Variants in FOXP1 observed in about 807,000 individuals in gnomAD.
FOXP1 encodes the protein forkhead box protein P1.
Under a neutral mutation model 98.2 loss-of-function variants are expected in FOXP1, and 15 were observed. That is an observed-to-expected ratio of 0.15 (90% CI 0.10 to 0.24). The LOEUF (loss-of-function observed/expected upper bound fraction) is 0.24. FOXP1 is among the 10% of genes least tolerant of loss of function. The probability of loss-of-function intolerance (pLI) is 1.00; values close to 1 mark genes in which losing one functional copy is unlikely to be tolerated. For missense variants in FOXP1, 633 were observed against 848.5 expected, an observed-to-expected ratio of 0.75 and a Z score of 3.15; for synonymous variants, 371 against 314.5, an observed-to-expected ratio of 1.18 and a Z score of -1.90.
intron 3 of FOXP1, among the ~76,000 whole-genome samples, chr3:71,464,579 T>C (rs562915146): frequency 3.3e-5 from 5 of 152,164 alleles, no homozygotes; most frequent in South Asian, 2.1e-4. Flanking sequence ...AGAAGCCAAA[T>C]AGCAAGATGC....
At chr3:71,146,837 T>A (rs2060331558) in intron 6 of FOXP1, among the ~76,000 whole-genome samples, 3 of 152,200 alleles carry the variant, frequency 2.0e-5, no homozygotes, top group Admixed American at 2.0e-4. Context: ...AAGGAAAGCC[T>A]GGAGACTCCT....
chr3:71,385,872 C>G (rs910148875), intron 3 of FOXP1, among the ~76,000 whole-genome samples: 2 of 152,142 alleles, frequency 1.3e-5, no homozygotes, highest in Non-Finnish European at 2.9e-5. Flanking sequence ...GGCTTCAGAT[C>G]CACATCTCCA....
At chr3:71,177,557 G>A (rs774786384) in intron 6 of FOXP1, among the ~76,000 whole-genome samples, 13 of 152,190 alleles carry the variant, frequency 8.5e-5, no homozygotes, top group Non-Finnish European at 1.8e-4. Context: ...AAGAGCTCAG[G>A]CTCTGGAGTC....
intron 3 of FOXP1, among the ~76,000 whole-genome samples, chr3:71,492,123 G>A (rs999159684): frequency 2.0e-5 from 3 of 152,016 alleles, no homozygotes; most frequent in African/African-American, 7.3e-5. Flanking sequence ...ACACTGATAG[G>A]ATAGGATCCT....
At chr3:71,495,115 T>C (rs1324661883) in intron 2 of FOXP1, among the ~76,000 whole-genome samples, 2 of 152,020 alleles carry the variant, frequency 1.3e-5, no homozygotes, top group Non-Finnish European at 1.5e-5. Context: ...GATACAGTGG[T>C]CCTCCTTTTG....
chr3:71,575,440 C>A (rs1476528956), intron 2 of FOXP1, among the ~76,000 whole-genome samples: 1 of 152,066 alleles, frequency 6.6e-6, no homozygotes, highest in Admixed American at 6.6e-5. Context: ...ATTTTAATAA[C>A]CTACACACAC....
intron 5 of FOXP1, among the ~76,000 whole-genome samples, chr3:71,238,823 C>A (rs531066252): frequency 6.6e-6 from 1 of 152,126 alleles, no homozygotes; most frequent in Non-Finnish European, 1.5e-5. Flanking sequence ...AAGGGAGGGA[C>A]CCGGGAAGAG....
chr3:71,268,985 A>C (rs377444123), intron 5 of FOXP1, among the ~76,000 whole-genome samples: 13 of 152,182 alleles, frequency 8.5e-5, no homozygotes, highest in East Asian at 3.8e-4. Flanking sequence ...AAGGAAGACA[A>C]AAATCTGGGA....
In FOXP1 at chr3:71,053,689, G is replaced by A; in HGVS notation, c.367C>T (p.Pro123Ser). The A allele has an allele frequency of 6.2e-7, 1 of 1,614,048 alleles. No homozygotes were observed. The highest frequency in any genetic ancestry group is 8.5e-7 in the Non-Finnish European group (1 of 1,179,954). ...QQILQQQVLS[P>S]QQLQVLLQQQ... Reference sequence around the variant, plus strand: ...TGGAGGAGAACCTGGAGCTGCTGAGGGCTCAGCACTTGTTGCTGGAGGATC... The same window carrying A: ...TGGAGGAGAACCTGGAGCTGCTGAGAGCTCAGCACTTGTTGCTGGAGGATC... The change falls in exon 8 of 21, where the codon CCT (proline) becomes TCT (serine). Residue 123 changes from proline to serine, a missense_variant. Coordinates refer to ENST00000649528, the MANE Select transcript of FOXP1 (RefSeq NM_001349338.3).
At chr3:71,405,643 T>C (rs2108239390) in intron 3 of FOXP1, among the ~76,000 whole-genome samples, 2 of 152,304 alleles carry the variant, frequency 1.3e-5, no homozygotes, top group East Asian at 3.9e-4. Flanking sequence ...GGGAAGGTTA[T>C]AAAAGGCCAA....
intron 2 of FOXP1, among the ~76,000 whole-genome samples, chr3:71,531,248 G>A (rs2043822964): frequency 6.6e-6 from 1 of 152,232 alleles, no homozygotes; most frequent in South Asian, 2.1e-4. Context: ...GGACCCTGAT[G>A]AGATGGGATT....
At chr3:71,495,305 T>C (rs994829158) in intron 2 of FOXP1, among the ~76,000 whole-genome samples, 3 of 152,224 alleles carry the variant, frequency 2.0e-5, no homozygotes, top group Non-Finnish European at 2.9e-5. Context: ...TCCAAGTTAG[T>C]CTCAATTATA....
At chr3:71,396,609 C>A (rs894595194) in intron 3 of FOXP1, among the ~76,000 whole-genome samples, 13 of 151,900 alleles carry the variant, frequency 8.6e-5, no homozygotes, top group African/African-American at 2.9e-4. Flanking sequence ...AAGCAACCTA[C>A]CTTCAAGTAA....
At chr3:71,383,350 C>G (rs831080) in intron 3 of FOXP1, among the ~76,000 whole-genome samples, 91,024 of 152,106 alleles carry the variant, frequency 0.6, 30,691 homozygotes, top group East Asian at 0.89. Flanking sequence ...AGGAAGACTG[C>G]ATAACCAATG....
At chr3:71,487,753 T>C (rs2106946410) in intron 3 of FOXP1, among the ~76,000 whole-genome samples, 1 of 152,364 alleles carries the variant, frequency 6.6e-6, no homozygotes, top group East Asian at 1.9e-4. Flanking sequence ...TAAAAGTTTA[T>C]GGTGAATTTG....
chr3:71,577,164 T>G lies in FOXP1; in HGVS notation c.-298+4385A>C, dbSNP rs75576237. ...ATGCCTTAGCACAAACTGACTGTAA[T>G]TAATAAGAATAATTTATTAAAGAAA... is the stretch of plus-strand genomic sequence containing the variant. On this transcript the variant is annotated intron_variant, in intron 2 of 20. Transcript: ENST00000649528. Among the ~76,000 whole-genome samples, 555 of 152,316 alleles carry G rather than the reference T, an allele frequency of 3.6e-3. 4 individuals are homozygous for G. Among genetic ancestry groups the G allele is most frequent in the Non-Finnish European group, 5.9e-3 (404 of 68,022 alleles).
chr3:71,545,023 A>C (rs2045244104), intron 2 of FOXP1, among the ~76,000 whole-genome samples: 1 of 152,252 alleles, frequency 6.6e-6, no homozygotes, highest in African/African-American at 2.4e-5. Flanking sequence ...GATATTTCCA[A>C]GTCACCACGC....
Position 70,958,386 on chromosome 3 carries a change from G to A in FOXP1, c.*861C>T, listed in dbSNP as rs542332238. The A allele has an allele frequency of 4.6e-5, 24 of 516,348 alleles. No homozygotes were observed. The highest frequency in any genetic ancestry group is 3.4e-4 in the South Asian group (21 of 61,848). The allele number at this position is 516,348 out of a possible 1,614,324, so 32.0% of individuals were successfully genotyped here. A position where few individuals can be genotyped will look rare whatever the true frequency, so the allele number is the denominator to read the frequency against. ...GTGAGAGGGCCTTCATGTGTAGAGT[G>A]CAGCATTTGGGACCTTTTTGAAAAA... is the stretch of plus-strand genomic sequence containing the variant. On this transcript the variant is annotated 3_prime_UTR_variant, in exon 21 of 21. Transcript: ENST00000649528.
chr3:71,485,728 C>G (rs2090596281), intron 3 of FOXP1, among the ~76,000 whole-genome samples: 1 of 150,452 alleles, frequency 6.6e-6, no homozygotes, highest in African/African-American at 2.4e-5. Flanking sequence ...AAGATCATAC[C>G]ACATACCACT....
Sources: allele counts gnomAD v4.1 joint callset (sites outside exome capture counted in the v4.1 genomes callset), GRCh38; gene constraint gnomAD v4.1.1; transcripts MANE v1.5; gene names NCBI Gene and HGNC (gene_info 2026-07-23, HGNC 2026-07-21).